KIAA1328: variants seen among roughly 807,000 people sequenced by gnomAD.
KIAA1328 encodes the protein protein hinderin.
A neutral mutation model predicts 68.1 loss-of-function variants in KIAA1328; 52 were observed. The observed-to-expected ratio is 0.76, with a 90% CI of 0.61 to 0.96. The LOEUF is 0.96. KIAA1328 is among the 40% of genes least tolerant of loss of function. The probability of loss-of-function intolerance (pLI) is 0.00; values close to 1 mark genes in which losing one functional copy is unlikely to be tolerated. For missense variants in KIAA1328, 641 were observed against 677.6 expected, an observed-to-expected ratio of 0.95 and a Z score of 0.60; for synonymous variants, 232 against 239.4, an observed-to-expected ratio of 0.97 and a Z score of 0.28.
At chr18:36,931,498 T>C (rs1205099246) in intron 5 of KIAA1328, among the ~76,000 whole-genome samples, 1 of 151,982 alleles carries the variant, frequency 6.6e-6, no homozygotes, top group Non-Finnish European at 1.5e-5. Flanking sequence ...CACCCCACAA[T>C]GTCTGTGGAA....
chr18:37,010,156 A>G (rs1183844664), intron 6 of KIAA1328, among the ~76,000 whole-genome samples: 1 of 152,090 alleles, frequency 6.6e-6, no homozygotes, highest in Non-Finnish European at 1.5e-5. Context: ...GAATAAAGAT[A>G]TCTTAAGGCT....
chr18:36,915,464 A>T (rs1246414019), intron 5 of KIAA1328, among the ~76,000 whole-genome samples: 1 of 152,246 alleles, frequency 6.6e-6, no homozygotes, highest in Non-Finnish European at 1.5e-5. Context: ...GAATATCTAA[A>T]GAAGTCTGAA....
intron 9 of KIAA1328, among the ~76,000 whole-genome samples, chr18:37,214,146 C>T (rs2060376559): frequency 1.3e-5 from 2 of 152,050 alleles, no homozygotes; most frequent in Admixed American, 6.5e-5. Flanking sequence ...AGAAGCTCTT[C>T]AGTTTAATTA....
chr18:36,973,592 C>T (rs1048209230), intron 6 of KIAA1328, among the ~76,000 whole-genome samples: 1 of 152,068 alleles, frequency 6.6e-6, no homozygotes, highest in Non-Finnish European at 1.5e-5. Context: ...TCTCTATACA[C>T]TCCATTTAAA....
intron 6 of KIAA1328, among the ~76,000 whole-genome samples, chr18:37,057,425 GA>G (rs2055955987): frequency 7.0e-6 from 1 of 143,860 alleles, no homozygotes; most frequent in Non-Finnish European, 1.5e-5. Flanking sequence ...AAAATTGCAT[GA>G]ATTTTTTTTT....
chr18:36,966,446 G>T (rs768113464), intron 6 of KIAA1328, among the ~76,000 whole-genome samples: 12 of 152,130 alleles, frequency 7.9e-5, no homozygotes, highest in Non-Finnish European at 1.2e-4. Flanking sequence ...GTGTACATTT[G>T]TGTATACATT....
intron 5 of KIAA1328, among the ~76,000 whole-genome samples, chr18:36,888,954 A>C (rs948649225): frequency 6.6e-6 from 1 of 152,198 alleles, no homozygotes; most frequent in Non-Finnish European, 1.5e-5. Flanking sequence ...AAGATGTATT[A>C]TACCAACATT....
At chr18:37,006,058 A>G (rs2053769373) in intron 6 of KIAA1328, among the ~76,000 whole-genome samples, 1 of 152,088 alleles carries the variant, frequency 6.6e-6, no homozygotes, top group Admixed American at 6.6e-5. Flanking sequence ...ACTATAGTTA[A>G]CAAAAATGTA....
chr18:37,183,284 T>C (rs1251125805), intron 9 of KIAA1328, among the ~76,000 whole-genome samples: 1 of 152,188 alleles, frequency 6.6e-6, no homozygotes, highest in African/African-American at 2.4e-5. Context: ...TTTAATTCCC[T>C]TCAGAGCAGT....
chr18:37,220,783 A>C (rs576855569), intron 9 of KIAA1328, among the ~76,000 whole-genome samples: 31 of 152,110 alleles, frequency 2.0e-4, no homozygotes, highest in African/African-American at 7.0e-4. Flanking sequence ...CTATCCCCTT[A>C]GGGCCCTATG....
At chr18:36,869,287 G>A (rs2150922284) in intron 4 of KIAA1328, among the ~76,000 whole-genome samples, 1 of 152,266 alleles carries the variant, frequency 6.6e-6, no homozygotes, top group South Asian at 2.1e-4. Flanking sequence ...TATCTTTTGA[G>A]TAACTAGTGT....
chr18:36,974,297 T>C (rs1383384874), intron 6 of KIAA1328, among the ~76,000 whole-genome samples: 1 of 151,944 alleles, frequency 6.6e-6, no homozygotes, highest in Non-Finnish European at 1.5e-5. Flanking sequence ...ATTGAGTAAT[T>C]TTTTTTTATT....
intron 6 of KIAA1328, among the ~76,000 whole-genome samples, chr18:37,025,984 A>G (rs1166276759): frequency 1.3e-5 from 2 of 152,218 alleles, no homozygotes; most frequent in Admixed American, 1.3e-4. Context: ...TAGCAAGACT[A>G]ACAAAGAAGA....
At chr18:36,862,959 C>T (rs1338794374) in intron 4 of KIAA1328, among the ~76,000 whole-genome samples, 1 of 152,064 alleles carries the variant, frequency 6.6e-6, no homozygotes, top group East Asian at 1.9e-4. Context: ...TCTGTATCTT[C>T]TTCAGTGAAA....
Position 36,990,931 on chromosome 18 carries a change from G to A in KIAA1328, c.576+31496G>A, listed in dbSNP as rs190172285. 9.3e-4 allele frequency among the ~76,000 whole-genome samples: 141 copies of A among 152,196 alleles called. 3 individuals are homozygous for A. Among genetic ancestry groups the A allele is most frequent in the Non-Finnish European group, 7.8e-4 (53 of 68,004 alleles). Reference sequence around the variant, plus strand: ...TAATGAGAATGGCAGCCTTTGCCTTGCCCTCAATTGAGATAGCTGTTTGTA... The same window carrying A: ...TAATGAGAATGGCAGCCTTTGCCTTACCCTCAATTGAGATAGCTGTTTGTA... On this transcript the variant is annotated intron_variant, in intron 6 of 9. Coordinates refer to ENST00000280020, the MANE Select transcript of KIAA1328 (RefSeq NM_020776.3).
rs114751078 is a variant in KIAA1328 at position 37,000,231 on chromosome 18, G to A, written c.576+40796G>A. ...TATACTTGTATCAGATAAAACAGAC[G>A]TTAAGTCAAAAATAGTAATAAAAGA... On this transcript the variant is annotated intron_variant, in intron 6 of 9. Transcript: ENST00000280020. Among the ~76,000 whole-genome samples the A allele has an allele frequency of 6.7e-3, 1,018 of 152,136 alleles. 16 individuals carry two copies. The highest frequency in any genetic ancestry group is 0.023 in the African/African-American group (944 of 41,536).
At chr18:37,000,553 C>G (rs2053551060) in intron 6 of KIAA1328, among the ~76,000 whole-genome samples, 1 of 152,086 alleles carries the variant, frequency 6.6e-6, no homozygotes, top group Non-Finnish European at 1.5e-5. Flanking sequence ...ACATTCCTTT[C>G]ATCAGCACAA....
In KIAA1328 at chr18:37,122,681, A is replaced by G. The variant is rs548944962; in HGVS notation, c.1233-37519A>G. On this transcript the variant is annotated intron_variant, in intron 7 of 9. Transcript: ENST00000280020. ...GTTGATGGGTTTGCCAGCAGGTAGT[A>G]AGGGTATTTCCATGTGGTATTCTCA... Among the ~76,000 whole-genome samples the G allele has an allele frequency of 8.5e-5, 13 of 152,216 alleles. No homozygotes were observed. In the South Asian group the frequency reaches 2.5e-3, roughly 29 times the overall value.
chr18:37,223,996 C>G lies in KIAA1328; in HGVS notation c.*1769C>G. On this transcript the variant is annotated 3_prime_UTR_variant, in exon 10 of 10. Transcript: ENST00000280020. ...AGTTCACCTCTGAGAGTAACCAAATCGGTTTCATCCCATATCAAAAAGCCT... is the reference window on the plus strand; with the variant it reads ...AGTTCACCTCTGAGAGTAACCAAATGGGTTTCATCCCATATCAAAAAGCCT... 1 of 985,358 alleles carries G rather than the reference C, an allele frequency of 1.0e-6. No homozygotes were observed. The highest frequency in any genetic ancestry group is 1.2e-6 in the Non-Finnish European group (1 of 829,912). The allele number at this position is 985,358 out of a possible 1,614,324, so 61.0% of individuals were successfully genotyped here.
Sources: gnomAD v4.1 joint callset for allele counts (sites outside exome capture counted in the v4.1 genomes callset) on GRCh38, gnomAD v4.1.1 for gene constraint, MANE v1.5 for transcripts, NCBI Gene and HGNC (gene_info 2026-07-23, HGNC 2026-07-21) for gene names.